Variants in ARHGAP31 observed in about 807,000 individuals in gnomAD.
ARHGAP31 encodes rho GTPase-activating protein 31.
In ARHGAP31, 34 loss-of-function variants were observed where a neutral mutation model predicts 113.9. The observed-to-expected ratio is 0.30, with a 90% CI of 0.23 to 0.40. The LOEUF is 0.40. Among genes scored for constraint, ARHGAP31 ranks in the 10% least tolerant of loss-of-function variants. ARHGAP31 has a pLI of 1.00. For synonymous variants in ARHGAP31, 650 were observed against 684.8 expected (o/e 0.95, Z 0.79); for missense variants, 1,548 against 1,767.1 (o/e 0.88, Z 2.22).
Position 119,415,568 on chromosome 3 carries a change from A to C in ARHGAP31, c.3639A>C (p.Pro1213=). 1 of 1,614,112 alleles carries C rather than the reference A, an allele frequency of 6.2e-7. No homozygotes were observed. Among genetic ancestry groups the C allele is most frequent in the Non-Finnish European group, 8.5e-7 (1 of 1,180,016 alleles). ...IPPKIQYTQI[P]QPLPSQSSGE... ...CCAAGATTCAGTACACCCAGATCCC[A>C]CAGCCCCTGCCCTCTCAGAGCTCAG... is the stretch of plus-strand genomic sequence containing the variant. The change falls in exon 12 of 12, where the codon CCA becomes CCC. Residue 1213 remains proline, a synonymous_variant. Coordinates refer to ENST00000264245, the MANE Select transcript of ARHGAP31 (RefSeq NM_020754.4).
At chr3:119,348,574 T>A (rs1200936417) in intron 1 of ARHGAP31, among the ~76,000 whole-genome samples, 1 of 152,226 alleles carries the variant, frequency 6.6e-6, no homozygotes, top group Non-Finnish European at 1.5e-5. Flanking sequence ...CTATGGATTG[T>A]CAAGATCTTG....
chr3:119,407,662 G>A (rs1182156407), intron 10 of ARHGAP31, among the ~76,000 whole-genome samples: 1 of 152,204 alleles, frequency 6.6e-6, no homozygotes, highest in Middle Eastern at 3.2e-3. Flanking sequence ...ACACATGGTG[G>A]GTGACCAAGG....
intron 3 of ARHGAP31, among the ~76,000 whole-genome samples, chr3:119,380,623 A>T (rs1263440801): frequency 6.6e-6 from 1 of 151,780 alleles, no homozygotes; most frequent in African/African-American, 2.4e-5. Context: ...CCGAGATTCT[A>T]CACATTCTTA....
chr3:119,373,212 A>C (rs1294198701), intron 3 of ARHGAP31, among the ~76,000 whole-genome samples: 2 of 152,076 alleles, frequency 1.3e-5, no homozygotes, highest in East Asian at 3.8e-4. Flanking sequence ...TAAAGATGAC[A>C]GGGGATTAAT....
chr3:119,354,998 G>C (rs767944099), intron 1 of ARHGAP31, among the ~76,000 whole-genome samples: 1 of 152,096 alleles, frequency 6.6e-6, no homozygotes, highest in Non-Finnish European at 1.5e-5. Context: ...CAACGGCAAG[G>C]AGCCAATCCA....
intron 3 of ARHGAP31, 80 bp downstream of exon 3, chr3:119,368,596 A>G (rs1454173023): frequency 1.6e-5 from 25 of 1,526,492 alleles, no homozygotes; most frequent in Non-Finnish European, 2.2e-5. Context: ...TAAAATAACA[A>G]TAATAACACT....
In ARHGAP31 at chr3:119,415,752, G is replaced by A. The variant is rs372342110; in HGVS notation, c.3823G>A (p.Val1275Met). ...QDPGAIKSSP[V>M]DATAPCMCEG... ...TCCCGGAGCCATTAAGTCCTCACCA[G>A]TGGATGCCACTGCACCCTGCATGTG... Residue 1275 changes from valine (V) to methionine (M), a missense_variant, in exon 12 of 12, where the codon GTG becomes ATG. By Grantham distance (21) the Val-to-Met change is conservative. Coordinates refer to ENST00000264245, the MANE Select transcript of ARHGAP31 (RefSeq NM_020754.4). 4 of 1,614,092 alleles carry A rather than the reference G, an allele frequency of 2.5e-6. No individual in the cohort carries two copies. The African/African-American group carries it at 5.3e-5, about 22-fold the overall frequency.
intron 1 of ARHGAP31, among the ~76,000 whole-genome samples, chr3:119,304,273 A>G (rs1268704709): frequency 2.6e-5 from 4 of 152,182 alleles, no homozygotes; most frequent in Admixed American, 6.5e-5. Flanking sequence ...GAAGAATGGA[A>G]TGAGGGCTGT....
intron 1 of ARHGAP31, among the ~76,000 whole-genome samples, chr3:119,313,846 A>T (rs962305004): frequency 3.3e-5 from 5 of 152,254 alleles, no homozygotes; most frequent in African/African-American, 1.2e-4. Context: ...ATATTTTTGC[A>T]GATGCTGTAG....
Position 119,415,524 on chromosome 3 carries a change from G to A in ARHGAP31, c.3595G>A (p.Ala1199Thr). The A allele has an allele frequency of 1.2e-6, 2 of 1,614,114 alleles. No homozygotes were observed. The highest frequency in any genetic ancestry group is 2.2e-5 in the South Asian group (2 of 91,068). Residue 1199 changes from alanine to threonine, a missense_variant, in exon 12 of 12, where the codon GCG becomes ACG. Transcript: ENST00000264245. ...SFMVKMCQAR[A>T]VPVIPPKIQY... ...CATGGTCAAAATGTGCCAGGCCAGGGCGGTCCCAGTCATCCCTCCCAAGAT... is the reference window on the plus strand; with the variant it reads ...CATGGTCAAAATGTGCCAGGCCAGGACGGTCCCAGTCATCCCTCCCAAGAT...
At chr3:119,320,773 C>G (rs969222987) in intron 1 of ARHGAP31, among the ~76,000 whole-genome samples, 2 of 152,154 alleles carry the variant, frequency 1.3e-5, no homozygotes, top group Non-Finnish European at 2.9e-5. Context: ...TTCCCTTTCA[C>G]TAATATCTTG....
chr3:119,403,909 T>G (rs968465000), intron 10 of ARHGAP31, among the ~76,000 whole-genome samples: 2 of 152,192 alleles, frequency 1.3e-5, no homozygotes, highest in Non-Finnish European at 2.9e-5. Flanking sequence ...CTGGGGAGAC[T>G]CCTATCCCAA....
intron 10 of ARHGAP31, among the ~76,000 whole-genome samples, chr3:119,406,664 C>G (rs1432624196): frequency 6.6e-6 from 1 of 152,164 alleles, no homozygotes; most frequent in African/African-American, 2.4e-5. Flanking sequence ...GTCTGCCTTG[C>G]GTTTCTGGTT....
At position 119,417,774 on chromosome 3, in the gene ARHGAP31, C is replaced by G. The variant is rs1326822564; in HGVS notation, c.*1510C>G. 6.6e-6 allele frequency: 1 copy of G among 152,070 alleles called. No homozygotes were observed. The highest frequency in any genetic ancestry group is 6.5e-5 in the Admixed American group (1 of 15,280). 9.4% of individuals were successfully genotyped at this position (152,070 alleles called of 1,614,324 possible). On this transcript the variant is annotated 3_prime_UTR_variant, in exon 12 of 12. Transcript: ENST00000264245. ...TTCCAGCTGGCGAGAGAAAGGAGAA[C>G]TAATATACCTGCTGGCAGATTTTTG...
At chr3:119,355,110 T>G (rs1285068728) in intron 1 of ARHGAP31, among the ~76,000 whole-genome samples, 5 of 152,208 alleles carry the variant, frequency 3.3e-5, no homozygotes, top group Non-Finnish European at 7.3e-5. Flanking sequence ...TTTTCTATTC[T>G]TCATCACTTG....
At chr3:119,403,027 T>C (rs962947793) in intron 10 of ARHGAP31, among the ~76,000 whole-genome samples, 2 of 152,190 alleles carry the variant, frequency 1.3e-5, no homozygotes, top group Admixed American at 6.5e-5. Flanking sequence ...GTTCTGAGAT[T>C]GGCCAGACTT....
chr3:119,331,355 G>A (rs1269048904), intron 1 of ARHGAP31, among the ~76,000 whole-genome samples: 1 of 152,144 alleles, frequency 6.6e-6, no homozygotes, highest in African/African-American at 2.4e-5. Flanking sequence ...TGTATGTAGA[G>A]TATATGTTCT....
chr3:119,408,217 T>C (rs1458558339), intron 10 of ARHGAP31, among the ~76,000 whole-genome samples: 1 of 152,214 alleles, frequency 6.6e-6, no homozygotes. Context: ...AGTCGCCCCA[T>C]GGATACCAAG....
rs1266405906 is a variant in ARHGAP31, at chr3:119,414,150, C to T, written c.2221C>T (p.Pro741Ser). 1.2e-6 allele frequency: 2 copies of T among 1,614,054 alleles called. No homozygotes were observed. The highest frequency in any genetic ancestry group is 1.7e-6 in the Non-Finnish European group (2 of 1,180,044). Residue 741 changes from proline to serine, a missense_variant, in exon 12 of 12, where the codon CCT becomes TCT. Pro to Ser is a moderately conservative substitution (Grantham distance 74). Coordinates refer to ENST00000264245, the MANE Select transcript of ARHGAP31 (RefSeq NM_020754.4). ...AGCAGCCAGCAGAGAGAAGCCGGAA[C>T]CTGAGCAGGGCCTGCACCCAGACCT... is the stretch of plus-strand genomic sequence containing the variant. ...STAASREKPE[P>S]EQGLHPDLAS...
Sources: allele counts gnomAD v4.1 joint callset (sites outside exome capture counted in the v4.1 genomes callset), GRCh38; gene constraint gnomAD v4.1.1; transcripts MANE v1.5; gene names NCBI Gene and HGNC (gene_info 2026-07-23, HGNC 2026-07-21).